The following PLCE1 variants were observed in gnomAD, a reference collection of about 807,000 sequenced individuals.
The protein encoded by PLCE1 is 1-phosphatidylinositol 4,5-bisphosphate phosphodiesterase epsilon-1.
PLCE1 carries 119 observed loss-of-function variants against 242.8 expected under a neutral mutation model. The observed-to-expected ratio is 0.49, with a 90% CI of 0.42 to 0.57. PLCE1 has a LOEUF of 0.57. Among genes scored for constraint, PLCE1 ranks in the 20% least tolerant of loss-of-function variants. The probability of loss-of-function intolerance (pLI) is 0.00; values close to 1 mark genes in which losing one functional copy is unlikely to be tolerated. For missense variants in PLCE1, 2,441 were observed against 2,788.8 expected, an observed-to-expected ratio of 0.88 and a Z score of 2.81; for synonymous variants, 945 against 1,017.4, an observed-to-expected ratio of 0.93 and a Z score of 1.35.
At position 94,009,739 on chromosome 10, in the gene PLCE1, G is replaced by A. The variant is rs187380418; in HGVS notation, c.-365+15481G>A. On this transcript the variant is annotated intron_variant, in intron 1 of 32. Coordinates refer to ENST00000371380, the MANE Select transcript of PLCE1 (RefSeq NM_016341.4). ...CGAAGCAAATCTGAAACAAAACAGG[G>A]CAGGCATTAAACCTTAAAGCTCCAA... 5.1e-4 allele frequency among the ~76,000 whole-genome samples: 78 copies of A among 152,338 alleles called. 1 individual carries two copies. In the East Asian group the frequency reaches 8.5e-3, roughly 17 times the overall value.
intron 23 of PLCE1, among the ~76,000 whole-genome samples, chr10:94,297,590 TAAAAAAAAAAAAAAAAAAAAAAAA>T (rs71031568): frequency 1.8e-5 from 1 of 56,582 alleles, no homozygotes. Flanking sequence ...TTTAAATTTG[TAAAAAAAAAAAAAAAAAAAAAAAA>T]AAAAAAAAAA....
intron 3 of PLCE1, among the ~76,000 whole-genome samples, chr10:94,144,660 G>A (rs1411444624): frequency 6.6e-6 from 1 of 152,186 alleles, no homozygotes; most frequent in Non-Finnish European, 1.5e-5. Context: ...CAAATCAATG[G>A]TAACTAGAGA....
At chr10:94,055,342 G>A (rs2043873565) in intron 2 of PLCE1, among the ~76,000 whole-genome samples, 1 of 149,570 alleles carries the variant, frequency 6.7e-6, no homozygotes, top group Admixed American at 6.7e-5. Flanking sequence ...ATGGAGTCTC[G>A]CTCTGTCGCT....
In PLCE1 at chr10:94,316,582, C is replaced by T; in HGVS notation, c.6168C>T (p.Thr2056=). The T allele has an allele frequency of 6.2e-7, 1 of 1,608,852 alleles. No homozygotes were observed. The highest frequency in any genetic ancestry group is 8.5e-7 in the Non-Finnish European group (1 of 1,176,464). The stretch of plus-strand genomic sequence containing the variant: ...ATGAACAAGACATCAAACCTGTTAC[C>T]ACAGACTATTTTTTGATGGAAGAAA... ...LTNEQDIKPV[T]TDYFLMEEKY... is the part of the protein sequence containing the mutation. Residue 2056 remains threonine (T), a synonymous_variant, in exon 29 of 33, where the codon ACC becomes ACT. Transcript: ENST00000371380.
chr10:94,167,174 C>G (rs926826339), intron 3 of PLCE1, among the ~76,000 whole-genome samples: 1 of 152,104 alleles, frequency 6.6e-6, no homozygotes, highest in African/African-American at 2.4e-5. Flanking sequence ...GCCTGTAATC[C>G]CAGCTACTTG....
At chr10:94,097,179 CA>C (rs1189458168) in intron 2 of PLCE1, among the ~76,000 whole-genome samples, 2 of 152,134 alleles carry the variant, frequency 1.3e-5, no homozygotes, top group Non-Finnish European at 2.9e-5. Context: ...GGTTTGTTTA[CA>C]CTGTGTGTAT....
intron 2 of PLCE1, among the ~76,000 whole-genome samples, chr10:94,123,128 G>C (rs1355045293): frequency 6.6e-6 from 1 of 152,158 alleles, no homozygotes; most frequent in Admixed American, 6.5e-5. Context: ...CTTTGCTTAA[G>C]GTGTCATTGG....
chr10:94,325,069 T>C lies in PLCE1; in HGVS notation c.6898T>C (p.Tyr2300His). 1 of 1,614,024 alleles carries C rather than the reference T, an allele frequency of 6.2e-7. No homozygotes were observed. Among genetic ancestry groups the C allele is most frequent in the Non-Finnish European group, 8.5e-7 (1 of 1,179,860 alleles). ...GGLSSSDTMDYRQ is the reference protein window; with the variant it reads ...GGLSSSDTMDHRQ ...CTTGTCCTCCAGTGACACAATGGATTACCGACAGTGACTAAGGGCAGCATG... is the reference window on the plus strand; with the variant it reads ...CTTGTCCTCCAGTGACACAATGGATCACCGACAGTGACTAAGGGCAGCATG... Residue 2300 changes from tyrosine (Y) to histidine (H), a missense_variant, in exon 32 of 33, where the codon TAC becomes CAC. By Grantham distance (83) the Tyr-to-His change is moderately conservative (BLOSUM62 2). Around this residue, in one of 5 missense-constraint regions of PLCE1, gnomAD observed 310 missense variants for 317.2 expected, o/e 0.98. Transcript: ENST00000371380.
At chr10:94,102,406 C>T (rs2045572101) in intron 2 of PLCE1, among the ~76,000 whole-genome samples, 1 of 152,194 alleles carries the variant, frequency 6.6e-6, no homozygotes, top group African/African-American at 2.4e-5. Flanking sequence ...TAATGTAAAA[C>T]ATAAGCAACA....
chr10:94,271,946 G>GT (rs1245196355), intron 18 of PLCE1, among the ~76,000 whole-genome samples: 1 of 152,162 alleles, frequency 6.6e-6, no homozygotes, highest in East Asian at 1.9e-4. Flanking sequence ...CAAACAGGGA[G>GT]TAGGTCACAT....
At chr10:94,147,063 G>GTC (rs1183340248) in intron 3 of PLCE1, among the ~76,000 whole-genome samples, 1 of 151,830 alleles carries the variant, frequency 6.6e-6, no homozygotes, top group African/African-American at 2.4e-5. Context: ...GAAACGCTGT[G>GTC]TCTCTCTCCC....
intron 4 of PLCE1, among the ~76,000 whole-genome samples, chr10:94,224,461 C>A (rs1317754609): frequency 6.6e-6 from 1 of 152,144 alleles, no homozygotes; most frequent in Non-Finnish European, 1.5e-5. Context: ...GAAAGAATGA[C>A]AACTTTCCAG....
At chr10:94,059,422 A>G (rs529132305) in intron 2 of PLCE1, among the ~76,000 whole-genome samples, 1 of 152,264 alleles carries the variant, frequency 6.6e-6, no homozygotes, top group East Asian at 1.9e-4. Flanking sequence ...TTGTTGAGGG[A>G]GAGGAAGAAC....
chr10:94,095,710 A>G (rs534599491), intron 2 of PLCE1, among the ~76,000 whole-genome samples: 44 of 152,338 alleles, frequency 2.9e-4, no homozygotes, highest in African/African-American at 1.1e-3. Context: ...AGCCACTTCA[A>G]GTAAGCTATT....
At chr10:94,291,360 C>T (rs1417577029) in intron 22 of PLCE1, among the ~76,000 whole-genome samples, 1 of 152,154 alleles carries the variant, frequency 6.6e-6, no homozygotes, top group East Asian at 1.9e-4. Flanking sequence ...TTAGTCATGT[C>T]AGATGTTCCA....
intron 4 of PLCE1, among the ~76,000 whole-genome samples, chr10:94,207,349 T>A (rs1408362433): frequency 1.3e-5 from 2 of 152,192 alleles, no homozygotes; most frequent in African/African-American, 4.8e-5. Context: ...ATATTTAGGA[T>A]AACTATACAA....
At chr10:94,168,876 C>T (rs1394572628) in intron 3 of PLCE1, among the ~76,000 whole-genome samples, 2 of 152,130 alleles carry the variant, frequency 1.3e-5, no homozygotes, top group African/African-American at 4.8e-5. Context: ...CTAGAAATTT[C>T]GGTTGGCCTC....
intron 11 of PLCE1, 135 bp downstream of exon 11, chr10:94,255,184 C>G: frequency 9.3e-7 from 1 of 1,073,368 alleles, no homozygotes; most frequent in Non-Finnish European, 1.4e-6. Context: ...CTGAAAAATC[C>G]CAAAATTTTA....
intron 4 of PLCE1, among the ~76,000 whole-genome samples, chr10:94,186,690 T>C (rs189987416): frequency 1.3e-5 from 2 of 152,370 alleles, no homozygotes. Context: ...TCCTTAACTC[T>C]ACAATCATCC....
Sources: allele counts gnomAD v4.1 joint callset (sites outside exome capture counted in the v4.1 genomes callset), GRCh38; gene constraint gnomAD v4.1.1; regional missense constraint gnomAD v4.1.1; transcripts MANE v1.5; gene names NCBI Gene and HGNC (gene_info 2026-07-23, HGNC 2026-07-21).